CPE: variants seen among roughly 807,000 people sequenced by gnomAD.
CPE encodes the protein carbocypeptidase E.
In CPE, 17 loss-of-function variants were observed where a neutral mutation model predicts 53.5. The observed-to-expected ratio is 0.32, with a 90% CI of 0.22 to 0.48. The LOEUF is 0.48. CPE is among the 20% of genes least tolerant of loss of function. The pLI is 0.99. For synonymous variants in CPE, 226 were observed against 228.8 expected, an observed-to-expected ratio of 0.99 and a Z score of 0.11; for missense variants, 524 against 614.7, an observed-to-expected ratio of 0.85 and a Z score of 1.56.
intron 1 of CPE, among the ~76,000 whole-genome samples, chr4:165,414,649 A>G (rs4299540): frequency 0.3 from 45,113 of 151,876 alleles, 6,886 homozygotes; most frequent in Middle Eastern, 0.4. Context: ...TGTTGAGCCA[A>G]AGTATCCTGG....
Position 165,497,765 on chromosome 4 carries a change from T to C in CPE, c.*155T>C. 2.7e-6 allele frequency: 1 copy of C among 375,032 alleles called. No homozygotes were observed. Among genetic ancestry groups the C allele is most frequent in the Non-Finnish European group, 4.7e-6 (1 of 214,468 alleles). The allele number at this position is 375,032 out of a possible 1,614,324, so 23.2% of individuals were successfully genotyped here. On this transcript the variant is annotated 3_prime_UTR_variant, in exon 9 of 9. Coordinates refer to ENST00000402744, the MANE Select transcript of CPE (RefSeq NM_001873.4). ...ACTTTCCTTAAAATAAATAGCCTCT[T>C]AGGTAAAAATATAAGAACTTGATAT...
chr4:165,448,963 T>C (rs888439899), intron 1 of CPE, among the ~76,000 whole-genome samples: 1 of 152,344 alleles, frequency 6.6e-6, no homozygotes, highest in Middle Eastern at 3.4e-3. Context: ...TTTAAACTCC[T>C]GATGCCCTAG....
At chr4:165,491,397 G>A (rs978689349) in intron 6 of CPE, among the ~76,000 whole-genome samples, 1 of 152,148 alleles carries the variant, frequency 6.6e-6, no homozygotes, top group African/African-American at 2.4e-5. Flanking sequence ...ATCTTTCTAA[G>A]TTTTATTGAA....
chr4:165,383,206 T>G (rs2126650619), intron 1 of CPE, among the ~76,000 whole-genome samples: 1 of 152,320 alleles, frequency 6.6e-6, no homozygotes, highest in East Asian at 1.9e-4. Context: ...TGATTCTAAG[T>G]GCTCAAATAT....
At chr4:165,447,720 C>T (rs1731741508) in intron 1 of CPE, among the ~76,000 whole-genome samples, 1 of 152,020 alleles carries the variant, frequency 6.6e-6, no homozygotes, top group African/African-American at 2.4e-5. Flanking sequence ...AACACAGAAG[C>T]ATTCTATAGC....
chr4:165,402,650 C>T (rs1422967013), intron 1 of CPE, among the ~76,000 whole-genome samples: 6 of 152,216 alleles, frequency 3.9e-5, no homozygotes, highest in African/African-American at 1.4e-4. Flanking sequence ...GCTCCCTGAG[C>T]CCTCCCCAGA....
Position 165,487,520 on chromosome 4 carries a change from G to A in CPE, c.1056G>A (p.Glu352=). 1 of 1,614,118 alleles carries A rather than the reference G, an allele frequency of 6.2e-7. No homozygotes were observed. Among genetic ancestry groups the A allele is most frequent in the South Asian group, 1.1e-5 (1 of 91,078 alleles). The change falls in exon 6 of 9, where the codon GAG becomes GAA. Residue 352 remains glutamate (E), a synonymous_variant. Transcript: ENST00000402744. ...GCTGTGAGAAGTTCCCACCTGAAGA[G>A]ACTCTGAAGACCTACTGGGAGGATA... ...ELSCEKFPPE[E]TLKTYWEDNK...
chr4:165,491,224 C>T (rs1314568208), intron 6 of CPE, among the ~76,000 whole-genome samples: 1 of 152,172 alleles, frequency 6.6e-6, no homozygotes, highest in Non-Finnish European at 1.5e-5. Context: ...ATATTTCTGC[C>T]TAATACAGGC....
chr4:165,390,001 A>G (rs1200895050), intron 1 of CPE, among the ~76,000 whole-genome samples: 1 of 152,154 alleles, frequency 6.6e-6, no homozygotes, highest in African/African-American at 2.4e-5. Flanking sequence ...GTGAGTGAAC[A>G]CTTCAGAATG....
In CPE at chr4:165,492,561, A is replaced by C. The variant is rs141354467; in HGVS notation, c.1114-610A>C. Among the ~76,000 whole-genome samples, 452 of 152,276 alleles carry C rather than the reference A, an allele frequency of 3.0e-3. 2 individuals are homozygous for C. Among genetic ancestry groups the C allele is most frequent in the Non-Finnish European group, 4.6e-3 (316 of 68,026 alleles). On this transcript the variant is annotated intron_variant, in intron 6 of 8. Transcript: ENST00000402744. ...TTGCAAAAACCCAGCTCCCTGAGTG[A>C]GCAATTCCTGTCCTTCTTAAGGGCT... is the stretch of plus-strand genomic sequence containing the variant.
At position 165,467,673 on chromosome 4, in the gene CPE, C is replaced by CTTT; in HGVS notation, c.505-5_505-3dup. On this transcript the variant is annotated splice_polypyrimidine_tract_variant and intron_variant, in intron 2 of 8. Coordinates refer to ENST00000402744, the MANE Select transcript of CPE (RefSeq NM_001873.4). ...AGCAACTAATGATTTTTCTCTTTGA[C>CTTT]TTTTTTTTTTTTAGCCTGGTGAACT... 6 of 1,295,202 alleles carry CTTT rather than the reference C, an allele frequency of 4.6e-6. No individual in the cohort carries two copies. The highest frequency in any genetic ancestry group is 2.4e-5 in the Admixed American group (1 of 41,878). The allele number at this position is 1,295,202 out of a possible 1,614,324, so 80.2% of individuals were successfully genotyped here.
rs184941977 is a variant in CPE at position 165,436,567 on chromosome 4, A to G, written c.308-27823A>G. Among the ~76,000 whole-genome samples the G allele has an allele frequency of 6.6e-5, 10 of 152,366 alleles. No individual in the cohort carries two copies. The East Asian group carries it at 7.7e-4, about 12-fold the overall frequency. On this transcript the variant is annotated intron_variant, in intron 1 of 8. Coordinates refer to ENST00000402744, the MANE Select transcript of CPE (RefSeq NM_001873.4). The stretch of plus-strand genomic sequence containing the variant: ...GTGTTCCAATAAAACTTTATTTACA[A>G]AAAACAGGTGGCCAGCCCATACACT...
chr4:165,478,496 A>T (rs1001109227), intron 3 of CPE, among the ~76,000 whole-genome samples: 3 of 152,224 alleles, frequency 2.0e-5, no homozygotes, highest in Admixed American at 6.5e-5. Context: ...TTGTGTATTT[A>T]GGGCTGTATC....
At chr4:165,482,761 A>G (rs1034252501) in intron 4 of CPE, among the ~76,000 whole-genome samples, 1 of 152,172 alleles carries the variant, frequency 6.6e-6, no homozygotes, top group Non-Finnish European at 1.5e-5. Flanking sequence ...GTGGATCTCT[A>G]CATGTGTCTT....
chr4:165,481,174 G>C (rs569093023), intron 3 of CPE, among the ~76,000 whole-genome samples: 1 of 152,010 alleles, frequency 6.6e-6, no homozygotes, highest in Non-Finnish European at 1.5e-5. Context: ...TAGAAACAGC[G>C]TGAGCCTTAG....
intron 1 of CPE, among the ~76,000 whole-genome samples, chr4:165,434,999 T>C (rs1365296779): frequency 2.6e-5 from 4 of 152,116 alleles, no homozygotes; most frequent in Admixed American, 2.6e-4. Flanking sequence ...TCTCACCATA[T>C]GATCTCTGCA....
chr4:165,411,725 C>A (rs1005097639), intron 1 of CPE, among the ~76,000 whole-genome samples: 2 of 152,140 alleles, frequency 1.3e-5, no homozygotes, highest in South Asian at 2.1e-4. Context: ...TTTATCTGAT[C>A]AAGTGATTAA....
intron 1 of CPE, among the ~76,000 whole-genome samples, chr4:165,407,880 G>A (rs953033961): frequency 6.7e-6 from 1 of 148,530 alleles, no homozygotes; most frequent in Non-Finnish European, 1.5e-5. Context: ...TTTTTAAAGA[G>A]ACGGAGTTCC....
chr4:165,391,736 A>G (rs1227892947), intron 1 of CPE, among the ~76,000 whole-genome samples: 1 of 152,106 alleles, frequency 6.6e-6, no homozygotes, highest in Non-Finnish European at 1.5e-5. Context: ...TATATGAGTG[A>G]CATTCTGCAG....
Sources: allele counts gnomAD v4.1 joint callset (sites outside exome capture counted in the v4.1 genomes callset), GRCh38; gene constraint gnomAD v4.1.1; transcripts MANE v1.5; gene names NCBI Gene and HGNC (gene_info 2026-07-23, HGNC 2026-07-21).